The following ASTN2 variants were observed in gnomAD, a reference collection of about 807,000 sequenced individuals.
ASTN2 encodes the protein astrotactin 2.
In ASTN2, 54 loss-of-function variants were observed where a neutral mutation model predicts 139.8. The observed-to-expected ratio is 0.39, with a 90% confidence interval of 0.31 to 0.48. ASTN2 has a LOEUF of 0.48. ASTN2 is among the 20% of genes least tolerant of loss of function. ASTN2 has a pLI of 0.95. For synonymous variants in ASTN2, 756 were observed against 719.5 expected, an observed-to-expected ratio of 1.05 and a Z score of -0.81; for missense variants, 1,565 against 1,725.1, an observed-to-expected ratio of 0.91 and a Z score of 1.64.
intron 19 of ASTN2, among the ~76,000 whole-genome samples, chr9:116,618,076 C>T (rs1430019717): frequency 1.3e-5 from 2 of 152,120 alleles, no homozygotes; most frequent in Admixed American, 6.5e-5. Flanking sequence ...TCAACTAGTT[C>T]TCTGACATAA....
At chr9:116,559,948 C>T (rs749663339) in intron 19 of ASTN2, among the ~76,000 whole-genome samples, 8 of 152,218 alleles carry the variant, frequency 5.3e-5, no homozygotes, top group South Asian at 2.1e-4. Flanking sequence ...CTATTATTGC[C>T]GCTTTTTATT....
chr9:116,579,163 G>A (rs1260084808), intron 19 of ASTN2: 1 of 152,090 alleles, frequency 6.6e-6, no homozygotes, highest in East Asian at 1.9e-4. Context: ...TTTGTAGGAG[G>A]GTGGTACTTA....
intron 5 of ASTN2, among the ~76,000 whole-genome samples, chr9:117,065,968 T>C (rs1053332849): frequency 6.6e-6 from 1 of 152,154 alleles, no homozygotes; most frequent in East Asian, 1.9e-4. Flanking sequence ...ATAATGCATG[T>C]AATATGGTCA....
chr9:116,836,902 A>T (rs188898436), intron 11 of ASTN2, among the ~76,000 whole-genome samples: 3,879 of 149,742 alleles, frequency 0.026, 189 homozygotes, highest in African/African-American at 0.09. Flanking sequence ...TTTTTTTTTT[A>T]AAAGAACATG....
chr9:116,844,131 A>G lies in ASTN2; in HGVS notation c.2040+19452T>C, dbSNP rs541228308. Among the ~76,000 whole-genome samples the G allele has an allele frequency of 2.4e-4, 37 of 152,310 alleles. 2 individuals carry two copies. The highest frequency in any genetic ancestry group is 8.9e-4 in the African/African-American group (37 of 41,558). On this transcript the variant is annotated intron_variant, in intron 11 of 22. Transcript: ENST00000313400. ...GGTCCTGTTTTTCCTGTTCTAAAATAGACTCAATAATAAATAACCGCCTCC... is the reference window on the plus strand; with the variant it reads ...GGTCCTGTTTTTCCTGTTCTAAAATGGACTCAATAATAAATAACCGCCTCC...
chr9:117,140,412 A>G (rs1198971841), intron 4 of ASTN2, among the ~76,000 whole-genome samples: 1 of 152,144 alleles, frequency 6.6e-6, no homozygotes, highest in Non-Finnish European at 1.5e-5. Context: ...AGAGGAGACT[A>G]CTAGTTTTTC....
At chr9:116,609,123 G>T (rs889686452) in intron 19 of ASTN2, among the ~76,000 whole-genome samples, 1 of 151,848 alleles carries the variant, frequency 6.6e-6, no homozygotes, top group Non-Finnish European at 1.5e-5. Flanking sequence ...TATACATGTT[G>T]TTGGAGGAAA....
intron 3 of ASTN2, among the ~76,000 whole-genome samples, chr9:117,209,377 G>A (rs1832045569): frequency 1.3e-5 from 2 of 152,104 alleles, no homozygotes; most frequent in Admixed American, 1.3e-4. Context: ...AAATGCAAAT[G>A]TAAGCCAAAA....
intron 19 of ASTN2, among the ~76,000 whole-genome samples, chr9:116,541,112 T>C (rs1344608717): frequency 6.6e-6 from 1 of 152,182 alleles, no homozygotes; most frequent in African/African-American, 2.4e-5. Flanking sequence ...GCTGGTATAG[T>C]TGTAACTTAC....
At position 117,180,815 on chromosome 9, in the gene ASTN2, C is replaced by T. The variant is rs1259641234; in HGVS notation, c.1015+33543G>A. On this transcript the variant is annotated intron_variant, in intron 3 of 22. Transcript: ENST00000313400. ...GCCACCATGTCTTCAAATTCATCAACATTGAACTTGGTGAAGCCCCACTTC... is the reference window on the plus strand; with the variant it reads ...GCCACCATGTCTTCAAATTCATCAATATTGAACTTGGTGAAGCCCCACTTC... 3.2e-6 allele frequency: 5 copies of T among 1,542,902 alleles called. No individual in the cohort carries two copies. In the East Asian group the frequency reaches 6.7e-5, roughly 21 times the overall value.
chr9:116,433,388 T>C (rs1401639264), intron 22 of ASTN2, among the ~76,000 whole-genome samples: 1 of 152,224 alleles, frequency 6.6e-6, no homozygotes, highest in Non-Finnish European at 1.5e-5. Flanking sequence ...GTTGTAGACA[T>C]GAACATATTC....
At chr9:117,271,502 G>A (rs2133125455) in intron 2 of ASTN2, among the ~76,000 whole-genome samples, 1 of 152,218 alleles carries the variant, frequency 6.6e-6, no homozygotes, top group East Asian at 1.9e-4. Flanking sequence ...GCCTTCCACA[G>A]TCCCTCAAAG....
At chr9:116,597,933 C>T (rs1854672432) in intron 19 of ASTN2, among the ~76,000 whole-genome samples, 1 of 152,164 alleles carries the variant, frequency 6.6e-6, no homozygotes, top group Admixed American at 6.5e-5. Flanking sequence ...CAAAGGTGAG[C>T]TGGAGACAAA....
intron 7 of ASTN2, among the ~76,000 whole-genome samples, chr9:116,991,443 C>T (rs1836850867): frequency 6.6e-6 from 1 of 152,066 alleles, no homozygotes; most frequent in African/African-American, 2.4e-5. Flanking sequence ...TAAGTATTGC[C>T]AGCATTGGGG....
At chr9:116,828,110 C>T (rs1256120441) in intron 11 of ASTN2, among the ~76,000 whole-genome samples, 1 of 152,048 alleles carries the variant, frequency 6.6e-6, no homozygotes, top group African/African-American at 2.4e-5. Flanking sequence ...GCCTGGCCAG[C>T]ATGGTGAAAC....
At chr9:116,731,805 AG>A (rs1828792733) in intron 14 of ASTN2, among the ~76,000 whole-genome samples, 1 of 152,202 alleles carries the variant, frequency 6.6e-6, no homozygotes, top group South Asian at 2.1e-4. Flanking sequence ...TGACAGGTTC[AG>A]GGGCCTTTCC....
intron 1 of ASTN2, among the ~76,000 whole-genome samples, chr9:117,358,261 GACACACACACACAC>G (rs67475291): frequency 4.6e-4 from 68 of 146,890 alleles, no homozygotes; most frequent in African/African-American, 1.6e-3. Context: ...TACATGTGCA[GACACACACACACAC>G]ACACACACAC....
At chr9:117,180,367 G>GT (rs1461808205) in intron 3 of ASTN2, among the ~76,000 whole-genome samples, 1 of 152,196 alleles carries the variant, frequency 6.6e-6, no homozygotes, top group Non-Finnish European at 1.5e-5. Flanking sequence ...TTCCTACAAT[G>GT]TTCTCTCCCT....
intron 17 of ASTN2, among the ~76,000 whole-genome samples, chr9:116,622,509 T>C (rs1391909981): frequency 6.6e-6 from 1 of 152,226 alleles, no homozygotes; most frequent in Non-Finnish European, 1.5e-5. Flanking sequence ...ACACAGATAT[T>C]ACGATCCTCA....
Sources: allele counts gnomAD v4.1 joint callset (sites outside exome capture counted in the v4.1 genomes callset), GRCh38; gene constraint gnomAD v4.1.1; transcripts MANE v1.5; gene names NCBI Gene and HGNC (gene_info 2026-07-23, HGNC 2026-07-21).